Variants in GART observed in about 807,000 individuals in gnomAD.
The protein encoded by GART is phosphoribosylglycinamide formyltransferase, phosphoribosylglycinamide synthetase, phosphoribosylaminoimidazole synthetase.
A neutral mutation model predicts 107.2 loss-of-function variants in GART; 43 were observed. That is an observed-to-expected ratio of 0.40 (90% confidence interval 0.31 to 0.52). The LOEUF is 0.52. Ranked by LOEUF, GART falls within the 20% of genes least tolerant of loss-of-function variation. GART has a pLI of 0.52. For missense variants in GART, 1,107 were observed against 1,206.5 expected (o/e 0.92, Z 1.22); for synonymous variants, 434 against 427.0 (o/e 1.02, Z -0.20).
At chr21:33,528,375 T>C in intron 9 of GART, 40 bp from the exon 10 acceptor site, 1 of 1,604,416 alleles carries the variant, frequency 6.2e-7, no homozygotes, top group Non-Finnish European at 8.5e-7. Context: ...GGATAAATTT[T>C]AGTTTTCCTT....
At position 33,504,445 on chromosome 21, in the gene GART, G is replaced by A. The variant is rs1275443529; in HGVS notation, c.2808C>T (p.Val936=). The part of the protein sequence containing the change: ...NAHEQALETG[V]TVTGCTVHFV... ...AGTGTACAGTGCACCCAGTAACTGT[G>A]ACTCCGGTTTCCAGGGCTTGCTCAT... The change falls in exon 21 of 22, where the codon GTC becomes GTT. Residue 936 remains valine (V), a synonymous_variant. Coordinates refer to ENST00000381815, the MANE Select transcript of GART (RefSeq NM_000819.5). 6.2e-7 allele frequency: 1 copy of A among 1,614,058 alleles called. No homozygotes were observed. Among genetic ancestry groups the A allele is most frequent in the Non-Finnish European group, 8.5e-7 (1 of 1,179,962 alleles).
At position 33,534,734 on chromosome 21, in the gene GART, C is replaced by T. The variant is rs1207656898; in HGVS notation, c.261G>A (p.Arg87=). The T allele has an allele frequency of 6.3e-7, 1 of 1,592,874 alleles. No individual in the cohort carries two copies. Among genetic ancestry groups the T allele is most frequent in the South Asian group, 1.1e-5 (1 of 87,790 alleles). ...PLAAGIVGNL[R]SAGVQCFGPT... is the part of the protein sequence containing the mutation. Reference sequence around the variant, plus strand: ...GGCCAAAGCATTGCACTCCTGCAGACCTCAGGTTCCCAACAATCCCTATTG... The same window carrying T: ...GGCCAAAGCATTGCACTCCTGCAGATCTCAGGTTCCCAACAATCCCTATTG... The change falls in exon 4 of 22, where the codon AGG becomes AGA. Residue 87 remains arginine (R), a synonymous_variant. Coordinates refer to ENST00000381815, the MANE Select transcript of GART (RefSeq NM_000819.5).
chr21:33,532,092 G>A, intron 5 of GART: 1 of 435,768 alleles, frequency 2.3e-6, no homozygotes, highest in Non-Finnish European at 4.1e-6. Flanking sequence ...TAGAGTCTGA[G>A]GATTTTCTTT....
chr21:33,521,055 G>A, intron 12 of GART, 40 bp from the exon 13 acceptor site: 1 of 1,459,420 alleles, frequency 6.9e-7, no homozygotes, highest in Non-Finnish European at 9.6e-7. Context: ...CATTTTAATA[G>A]ATTAAACATG....
intron 10 of GART, among the ~76,000 whole-genome samples, chr21:33,527,608 T>G (rs1331423564): frequency 2.0e-5 from 3 of 152,258 alleles, no homozygotes; most frequent in South Asian, 4.1e-4. Context: ...GCCTTTGGAC[T>G]TACGGCACTG....
intron 4 of GART, among the ~76,000 whole-genome samples, chr21:33,533,634 ACGG>A (rs2085241578): frequency 6.7e-6 from 1 of 149,830 alleles, no homozygotes; most frequent in African/African-American, 2.5e-5. Flanking sequence ...GCCTAGTGTT[ACGG>A]CTCATGCCTG....
At chr21:33,533,009 C>G (rs767400454) in intron 4 of GART, among the ~76,000 whole-genome samples, 1 of 151,898 alleles carries the variant, frequency 6.6e-6, no homozygotes, top group Non-Finnish European at 1.5e-5. Flanking sequence ...GAAACTGACA[C>G]AACTGAAAGG....
At chr21:33,542,313 G>A (rs1173165105), upstream of GART, 2 of 152,374 alleles carry the variant, frequency 1.3e-5, no homozygotes, top group African/African-American at 2.4e-5. Context: ...TGTGACAGTG[G>A]TACGGGGTGC....
chr21:33,504,160 T>C lies in GART; in HGVS notation c.2997A>G (p.Gly999=). The C allele has an allele frequency of 6.2e-7, 1 of 1,613,700 alleles. No individual in the cohort carries two copies. Among genetic ancestry groups the C allele is most frequent in the Non-Finnish European group, 8.5e-7 (1 of 1,179,790 alleles). Reference sequence around the variant, plus strand: ...TAACCCAACAGATCTTGCCATTTTCTCCAAGCTGTACAGTTCCACTGGCCA... The same window carrying C: ...TAACCCAACAGATCTTGCCATTTTCCCCAAGCTGTACAGTTCCACTGGCCA... ...QLVASGTVQL[G]ENGKICWVKE... The change falls in exon 22 of 22, where the codon GGA becomes GGG. Residue 999 remains glycine (G), a synonymous_variant. Transcript: ENST00000381815.
In GART at chr21:33,509,814, C is replaced by CA. The variant is rs2084751117; in HGVS notation, c.2420_2421insT (p.Lys807AsnfsTer27). The CA allele has an allele frequency of 7.6e-7, 1 of 1,321,698 alleles. No homozygotes were observed. 81.9% of individuals were successfully genotyped at this position (1,321,698 alleles called of 1,614,324 possible). A position where few individuals can be genotyped will look rare whatever the true frequency, so the allele number is the denominator to read the frequency against. ...CAGATATTAAGACAGCCACTCTGGCCTTTTTTTTTTCAAAAGAGAAATGAT... is the reference window on the plus strand; with the variant it reads ...CAGATATTAAGACAGCCACTCTGGCCATTTTTTTTTTCAAAAGAGAAATGAT... On this transcript the variant is annotated frameshift_variant, in exon 18 of 22. Coordinates refer to ENST00000381815, the MANE Select transcript of GART (RefSeq NM_000819.5). LOFTEE classifies it high-confidence loss of function.
At position 33,517,125 on chromosome 21, in the gene GART, C is replaced by G; in HGVS notation, c.1971G>C (p.Thr657=). The stretch of plus-strand genomic sequence containing the variant: ...GTGAATGGCTGTAGATTCTGGTAGG[C>G]GTGAGAAGTAAGTCCCCTGCATGTT... ...GDQTLGDLLL[T]PTRIYSHSLL... is the part of the protein sequence containing the mutation. Residue 657 remains threonine, a synonymous_variant, in exon 16 of 22, where the codon ACG becomes ACC. Coordinates refer to ENST00000381815, the MANE Select transcript of GART (RefSeq NM_000819.5). 6.2e-7 allele frequency: 1 copy of G among 1,608,988 alleles called. No homozygotes were observed. Among genetic ancestry groups the G allele is most frequent in the South Asian group, 1.1e-5 (1 of 89,578 alleles).
Position 33,511,415 on chromosome 21 carries a change from C to T in GART, c.2151G>A (p.Gln717=). ...WRIPRVFSWL[Q]QEGHLSEEEM... ...CTTCCTCAGAGAGGTGTCCTTCCTG[C>T]TGCAACCATGAGAAGACCCTGGGGA... The change falls in exon 17 of 22, where the codon CAG becomes CAA. Residue 717 remains glutamine (Q), a synonymous_variant. Coordinates refer to ENST00000381815, the MANE Select transcript of GART (RefSeq NM_000819.5). 2 of 1,614,136 alleles carry T rather than the reference C, an allele frequency of 1.2e-6. No homozygotes were observed. The highest frequency in any genetic ancestry group is 2.7e-5 in the African/African-American group (2 of 75,032).
intron 18 of GART, among the ~76,000 whole-genome samples, chr21:33,508,108 C>G (rs1387792731): frequency 6.6e-6 from 1 of 152,150 alleles, no homozygotes; most frequent in Non-Finnish European, 1.5e-5. Context: ...GCCTCCAGTT[C>G]CATCCATATT....
At position 33,534,500 on chromosome 21, in the gene GART, C is replaced by G. The variant is rs1300776717; in HGVS notation, c.416+79G>C. 2.7e-5 allele frequency: 40 copies of G among 1,476,464 alleles called. No homozygotes were observed. In the East Asian group the frequency reaches 8.7e-4, roughly 32 times the overall value. The allele number at this position is 1,476,464 out of a possible 1,614,324, so 91.5% of individuals were successfully genotyped here. ...CCAAAGTGCTGGGATTACAGGTGAG[C>G]TACTGTGCCTGGCCACTGACCTGTG... is the stretch of plus-strand genomic sequence containing the variant. On this transcript the variant is annotated intron_variant, in intron 4 of 21. Coordinates refer to ENST00000381815, the MANE Select transcript of GART (RefSeq NM_000819.5).
chr21:33,525,084 C>CTTTT, intron 10 of GART, 84 bp from the exon 11 acceptor site: 2 of 1,364,288 alleles, frequency 1.5e-6, no homozygotes, highest in South Asian at 1.6e-5. Flanking sequence ...CCACAAGTTT[C>CTTTT]TTTTTTTTTT....
chr21:33,542,120 C>G (rs1347125651), upstream of GART: 1 of 152,152 alleles, frequency 6.6e-6, no homozygotes, highest in East Asian at 1.9e-4. Context: ...GTCGGCCCAC[C>G]GGGACCGGCG....
intron 18 of GART, among the ~76,000 whole-genome samples, chr21:33,506,916 C>T (rs770226446): frequency 2.0e-5 from 3 of 152,024 alleles, no homozygotes; most frequent in Non-Finnish European, 4.4e-5. Context: ...GGCAATAACA[C>T]GCTGGCGAAG....
At chr21:33,529,269 C>T (rs2085136605) in intron 7 of GART, among the ~76,000 whole-genome samples, 1 of 152,086 alleles carries the variant, frequency 6.6e-6, no homozygotes, top group Non-Finnish European at 1.5e-5. Flanking sequence ...TTTCATAAGT[C>T]TATATATGTA....
intron 20 of GART, among the ~76,000 whole-genome samples, chr21:33,504,841 G>C (rs1457676956): frequency 6.6e-6 from 1 of 152,080 alleles, no homozygotes; most frequent in South Asian, 2.1e-4. Flanking sequence ...ATAAGCAAGA[G>C]GTTCTTACAT....
Sources: gnomAD v4.1 joint callset for allele counts (sites outside exome capture counted in the v4.1 genomes callset) on GRCh38, gnomAD v4.1.1 for gene constraint, MANE v1.5 for transcripts, NCBI Gene and HGNC (gene_info 2026-07-23, HGNC 2026-07-21) for gene names.